Variants in DCC observed in about 807,000 individuals in gnomAD.
DCC encodes DCC netrin 1 receptor, also known as netrin receptor DCC.
DCC carries 58 observed loss-of-function variants against 172.5 expected under a neutral mutation model. The ratio of observed to expected loss-of-function variants is 0.34; its 90% CI spans 0.27 to 0.42. DCC has a LOEUF of 0.42. DCC is among the 10% of genes least tolerant of loss of function. The probability of loss-of-function intolerance (pLI) is 1.00; values close to 1 mark genes in which losing one functional copy is unlikely to be tolerated. For synonymous variants in DCC, 709 were observed against 644.5 expected (o/e 1.10, Z -1.52); for missense variants, 1,740 against 1,791.0 (o/e 0.97, Z 0.51).
chr18:52,385,065 C>A (rs916704549), intron 1 of DCC, among the ~76,000 whole-genome samples: 2 of 151,966 alleles, frequency 1.3e-5, no homozygotes, highest in Middle Eastern at 3.2e-3. Flanking sequence ...AGCTCAGATG[C>A]CTTCTAGGGT....
At chr18:52,513,528 G>A (rs1330007973) in intron 1 of DCC, among the ~76,000 whole-genome samples, 2 of 152,078 alleles carry the variant, frequency 1.3e-5, no homozygotes, top group Non-Finnish European at 2.9e-5. Flanking sequence ...AAACCTATAA[G>A]TATTTGTTTT....
intron 1 of DCC, among the ~76,000 whole-genome samples, chr18:52,370,570 G>C (rs541728365): frequency 5.9e-5 from 9 of 152,222 alleles, no homozygotes; most frequent in African/African-American, 2.2e-4. Context: ...TCAGGGGTGT[G>C]GGGGCAGGGA....
chr18:52,727,497 C>T (rs180746906), intron 1 of DCC, among the ~76,000 whole-genome samples: 2 of 152,256 alleles, frequency 1.3e-5, no homozygotes, highest in African/African-American at 4.8e-5. Flanking sequence ...TTGTTCATCT[C>T]AGAGAAGAAA....
intron 1 of DCC, among the ~76,000 whole-genome samples, chr18:52,479,611 G>A (rs1383199066): frequency 7.9e-6 from 1 of 126,970 alleles, no homozygotes; most frequent in African/African-American, 3.1e-5. Context: ...CTCTCACTAA[G>A]TTCTATTTCA....
chr18:52,575,821 C>A (rs2033395465), intron 1 of DCC, among the ~76,000 whole-genome samples: 3 of 152,146 alleles, frequency 2.0e-5, no homozygotes, highest in Non-Finnish European at 4.4e-5. Context: ...GCCCCATCTA[C>A]TTGAGTCAAT....
intron 1 of DCC, among the ~76,000 whole-genome samples, chr18:52,565,399 C>A (rs1367451497): frequency 1.3e-5 from 2 of 152,230 alleles, no homozygotes; most frequent in Non-Finnish European, 2.9e-5. Context: ...TGTTCTAGAT[C>A]CTTGAGGAAT....
chr18:52,340,703 T>C lies in DCC; in HGVS notation c.-85T>C. 1.1e-6 allele frequency: 1 copy of C among 934,560 alleles called. No individual in the cohort carries two copies. Among genetic ancestry groups the C allele is most frequent in the East Asian group, 2.4e-5 (1 of 41,824 alleles). The allele number at this position is 934,560 out of a possible 1,614,324, so 57.9% of individuals were successfully genotyped here. On this transcript the variant is annotated 5_prime_UTR_variant, in exon 1 of 29. Transcript: ENST00000442544. ...GCCGAAGGGGCTCGGCGCGTGTGTG[T>C]GCATGTGTGCATGCGTGTGTGAGTG...
intron 8 of DCC, among the ~76,000 whole-genome samples, chr18:53,157,884 C>T (rs2054768805): frequency 6.6e-6 from 1 of 151,988 alleles, no homozygotes; most frequent in East Asian, 1.9e-4. Context: ...ACATGAGCTC[C>T]AAAAAACCAC....
At chr18:53,465,751 TTTTATTTA>T (rs3061298) in intron 24 of DCC, among the ~76,000 whole-genome samples, 13 of 151,308 alleles carry the variant, frequency 8.6e-5, no homozygotes, top group African/African-American at 2.2e-4. Context: ...TTTCTATTCT[TTTTATTTA>T]TTTATTTATT....
chr18:52,705,148 G>A (rs1344205141), intron 1 of DCC, among the ~76,000 whole-genome samples: 4 of 152,106 alleles, frequency 2.6e-5, no homozygotes, highest in Non-Finnish European at 4.4e-5. Flanking sequence ...TGCTTGTCTC[G>A]CTGTTTTCTA....
At chr18:52,495,282 G>A (rs1192534078) in intron 1 of DCC, among the ~76,000 whole-genome samples, 4 of 152,056 alleles carry the variant, frequency 2.6e-5, no homozygotes, top group Admixed American at 2.6e-4. Context: ...TCTTTTAAGT[G>A]GGATCCTGAC....
chr18:52,912,511 C>T lies in DCC; in HGVS notation c.697+6183C>T, dbSNP rs2039984553. ...ACATTTCTGCATTTTATTTTCACAT[C>T]TAAGAGAAGTCAGAGTTTCCTGCAT... On this transcript the variant is annotated intron_variant, in intron 3 of 28. Transcript: ENST00000442544. Among the ~76,000 whole-genome samples the T allele has an allele frequency of 2.0e-5, 3 of 152,016 alleles. No individual in the cohort carries two copies. In the South Asian group the frequency reaches 6.2e-4, roughly 31 times the overall value.
At chr18:52,872,520 A>G (rs1229905240) in intron 2 of DCC, among the ~76,000 whole-genome samples, 1 of 152,180 alleles carries the variant, frequency 6.6e-6, no homozygotes, top group African/African-American at 2.4e-5. Context: ...GCCGTCTCAA[A>G]ATATGCCAAA....
chr18:53,053,350 T>C lies in DCC; in HGVS notation c.986-9955T>C, dbSNP rs1019861946. ...TTCTGTTTTACTCCAGAAACACTTG[T>C]TTTGATTTTGTTGTTTTTATTTGCT... On this transcript the variant is annotated intron_variant, in intron 5 of 28. Coordinates refer to ENST00000442544, the MANE Select transcript of DCC (RefSeq NM_005215.4). Among the ~76,000 whole-genome samples, 3 of 152,082 alleles carry C rather than the reference T, an allele frequency of 2.0e-5. No homozygotes were observed. In the East Asian group the frequency reaches 5.8e-4, roughly 29 times the overall value.
intron 1 of DCC, among the ~76,000 whole-genome samples, chr18:52,522,871 G>T (rs2031863186): frequency 6.6e-6 from 1 of 152,158 alleles, no homozygotes; most frequent in African/African-American, 2.4e-5. Flanking sequence ...TCAAGAAGAG[G>T]TTGGGTGTGA....
intron 5 of DCC, among the ~76,000 whole-genome samples, chr18:52,971,907 C>A (rs546432360): frequency 2.0e-5 from 3 of 152,248 alleles, no homozygotes; most frequent in South Asian, 4.1e-4. Context: ...ACTTTAACAG[C>A]ACATTGAGGC....
intron 2 of DCC, among the ~76,000 whole-genome samples, chr18:52,811,838 G>T (rs1201432981): frequency 2.0e-5 from 3 of 151,842 alleles, no homozygotes; most frequent in Non-Finnish European, 4.4e-5. Flanking sequence ...TATCTTTATC[G>T]TATCAAATAA....
intron 5 of DCC, among the ~76,000 whole-genome samples, chr18:53,006,602 A>G (rs773272644): frequency 1.3e-5 from 2 of 152,240 alleles, no homozygotes; most frequent in African/African-American, 2.4e-5. Flanking sequence ...AACTGTAGAT[A>G]GATAAGGTTG....
intron 2 of DCC, among the ~76,000 whole-genome samples, chr18:52,838,951 A>G (rs1489153187): frequency 2.6e-5 from 4 of 152,226 alleles, no homozygotes; most frequent in Non-Finnish European, 5.9e-5. Flanking sequence ...AAAAGAAAAC[A>G]GCTTGAGTAA....
Sources: allele counts gnomAD v4.1 joint callset (sites outside exome capture counted in the v4.1 genomes callset), GRCh38; gene constraint gnomAD v4.1.1; transcripts MANE v1.5; gene names NCBI Gene and HGNC (gene_info 2026-07-23, HGNC 2026-07-21).